The following MROH6 variants were observed in gnomAD, a reference collection of about 807,000 sequenced individuals.
MROH6 encodes the protein maestro heat like repeat family member 6, also known as maestro heat-like repeat-containing protein family member 6.
MROH6 carries 62 observed loss-of-function variants against 67.7 expected under a neutral mutation model. The ratio of observed to expected loss-of-function variants is 0.92; its 90% CI spans 0.75 to 1.13. MROH6 has a LOEUF of 1.13. Ranked by LOEUF, MROH6 falls within the 50% of genes most tolerant of loss-of-function variation. The pLI is 0.00. For missense variants in MROH6, 1,175 were observed against 1,029.1 expected (o/e 1.14, Z -1.94); for synonymous variants, 566 against 470.8 (o/e 1.20, Z -2.62).
At chr8:143,570,114 C>T in intron 6 of MROH6, 49 bp from the exon 7 acceptor site, 3 of 1,584,444 alleles carry the variant, frequency 1.9e-6, no homozygotes, top group Non-Finnish European at 2.6e-6. Flanking sequence ...CGGCCTTTCT[C>T]CTCGAGAAGA....
rs1033655797 is a variant in MROH6 at position 143,567,878 on chromosome 8, T to A, written c.1775A>T (p.Tyr592Phe). 4 of 1,524,826 alleles carry A rather than the reference T, an allele frequency of 2.6e-6. No homozygotes were observed. Among genetic ancestry groups the A allele is most frequent in the African/African-American group, 2.8e-5 (2 of 71,918 alleles). 94.5% of individuals were successfully genotyped at this position (1,524,826 alleles called of 1,614,324 possible). A position where few individuals can be genotyped will look rare whatever the true frequency, so the allele number is the denominator to read the frequency against. The change falls in exon 12 of 14, where the codon TAC (tyrosine) becomes TTC (phenylalanine). Residue 592 changes from tyrosine to phenylalanine, a missense_variant. By Grantham distance (22) the Tyr-to-Phe change is conservative. Transcript: ENST00000398882. ...SHLCCRLVQR[Y>F]PGHVPNFLSQ... ...CAGGAAGTTGGGCACGTGGCCTGGG[T>A]ATCGCTGAACCTGGGGACAAAAGGG...
rs773667800 is a variant in MROH6, at chr8:143,569,529, G to T, written c.1388C>A (p.Ala463Asp). The change falls in exon 9 of 14, where the codon GCC (alanine) becomes GAC (aspartate). Residue 463 changes from alanine (A) to aspartate (D), a missense_variant. Transcript: ENST00000398882. Reference protein sequence around the residue: ...DARLVGAALGALRRLLLRPRA... With the variant: ...DARLVGAALGDLRRLLLRPRA... ...GGGCCGCAGCAGGAGCCTCCTCAGG[G>T]CGCCCAGCGCTGCACCCACGAGCCG... The T allele has an allele frequency of 1.3e-5, 20 of 1,506,986 alleles. No homozygotes were observed. The highest frequency in any genetic ancestry group is 1.8e-5 in the Non-Finnish European group (20 of 1,135,938). 93.4% of individuals were successfully genotyped at this position (1,506,986 alleles called of 1,614,324 possible). A position where few individuals can be genotyped will look rare whatever the true frequency, so the allele number is the denominator to read the frequency against.
At chr8:143,567,931 T>G in intron 11 of MROH6, 43 bp from the exon 12 acceptor site, 1 of 1,499,830 alleles carries the variant, frequency 6.7e-7, no homozygotes, top group South Asian at 1.4e-5. Context: ...GGGCTGATCC[T>G]GAGTGCGGAG....
At position 143,572,132 on chromosome 8, in the gene MROH6, C is replaced by T. The variant is rs188663411; in HGVS notation, c.348G>A (p.Thr116=). The T allele has an allele frequency of 1.9e-5, 30 of 1,613,044 alleles. No homozygotes were observed. The highest frequency in any genetic ancestry group is 1.7e-4 in the Admixed American group (10 of 60,014). ...EGVLADLALY[T]AACLEEAGFA... is the part of the protein sequence containing the mutation. ...AGCCAGCCTCCTCCAGGCAGGCAGC[C>T]GTGTACAACGCGAGGTCGGCAAGAA... is the stretch of plus-strand genomic sequence containing the variant. The change falls in exon 2 of 14, where the codon ACG becomes ACA. Residue 116 remains threonine, a synonymous_variant. Transcript: ENST00000398882.
chr8:143,567,537 AC>A (rs1823691820), intron 13 of MROH6, 72 bp from the exon 14 acceptor site: 3 of 1,470,508 alleles, frequency 2.0e-6, no homozygotes. Flanking sequence ...CCCTCCACCC[AC>A]CGCTCCCGTC....
Position 143,567,415 on chromosome 8 carries a change from G to GCGCTGC in MROH6, c.1978_1983dup (p.Ala660_Ala661dup). ...ATCGCCACCTGCTGAGCGGACACGTGCGCTGCCGCGGCCACAGCCGGCTTG... is the reference window on the plus strand; with the variant it reads ...ATCGCCACCTGCTGAGCGGACACGTGCGCTGCCGCTGCCGCGGCCACAGCCGGCTTG... On this transcript the variant is annotated inframe_insertion, in exon 14 of 14. Transcript: ENST00000398882. 7.6e-7 allele frequency: 1 copy of GCGCTGC among 1,318,554 alleles called. No individual in the cohort carries two copies. The highest frequency in any genetic ancestry group is 9.7e-7 in the Non-Finnish European group (1 of 1,033,644). The allele number at this position is 1,318,554 out of a possible 1,614,324, so 81.7% of individuals were successfully genotyped here.
At position 143,567,213 on chromosome 8, in the gene MROH6, T is replaced by G; in HGVS notation, c.*26A>C. The G allele has an allele frequency of 8.3e-7, 1 of 1,200,792 alleles. No individual in the cohort carries two copies. The highest frequency in any genetic ancestry group is 1.0e-6 in the Non-Finnish European group (1 of 963,236). 74.4% of individuals were successfully genotyped at this position (1,200,792 alleles called of 1,614,324 possible). ...CGCGTGGGGTGCCCGAGTCGGACCCTGGCCCTCGGGCCCCAGCCCCGAGCC... is the reference window on the plus strand; with the variant it reads ...CGCGTGGGGTGCCCGAGTCGGACCCGGGCCCTCGGGCCCCAGCCCCGAGCC... On this transcript the variant is annotated 3_prime_UTR_variant, in exon 14 of 14. Transcript: ENST00000398882.
Position 143,568,650 on chromosome 8 carries a change from GC to G in MROH6, c.1545del (p.Leu516SerfsTer66), listed in dbSNP as rs1361198544. The G allele has an allele frequency of 6.5e-7, 1 of 1,532,842 alleles. No individual in the cohort carries two copies. The highest frequency in any genetic ancestry group is 8.7e-7 in the Non-Finnish European group (1 of 1,144,838). The allele number at this position is 1,532,842 out of a possible 1,614,324, so 95.0% of individuals were successfully genotyped here. A position where few individuals can be genotyped will look rare whatever the true frequency, so the allele number is the denominator to read the frequency against. On this transcript the variant is annotated frameshift_variant, in exon 10 of 14. Transcript: ENST00000398882. LOFTEE classifies it high-confidence loss of function. ...AGGGGGCCGCGGAGCCCCAGCCGGA[GC>G]CCGCCCCGGCCCCGGCGCACCAGAG... ...LGTLVRRGRGGLRLGLRGPLR... is the reference protein window; with the variant it reads ...LGTLVRRGRGXLRLGLRGPLR...
chr8:143,570,115 C>A, intron 6 of MROH6, 50 bp from the exon 7 acceptor site: 1 of 1,583,400 alleles, frequency 6.3e-7, no homozygotes, highest in Non-Finnish European at 8.6e-7. Flanking sequence ...GGCCTTTCTC[C>A]TCGAGAAGAC....
chr8:143,567,450 T>G lies in MROH6; in HGVS notation c.1949A>C (p.Gln650Pro). 1 of 1,372,368 alleles carries G rather than the reference T, an allele frequency of 7.3e-7. No individual in the cohort carries two copies. Among genetic ancestry groups the G allele is most frequent in the Non-Finnish European group, 9.4e-7 (1 of 1,060,082 alleles). 85.0% of individuals were successfully genotyped at this position (1,372,368 alleles called of 1,614,324 possible). ...DSLFQDLGRLQSDPKPAVAAA... is the reference protein window; with the variant it reads ...DSLFQDLGRLPSDPKPAVAAA... ...GGCCACAGCCGGCTTGGGGTCGCTCTGCAGTCGCCCTAGGTCTGCGAGGAG... is the reference window on the plus strand; with the variant it reads ...GGCCACAGCCGGCTTGGGGTCGCTCGGCAGTCGCCCTAGGTCTGCGAGGAG... The change falls in exon 14 of 14, where the codon CAG becomes CCG. Residue 650 changes from glutamine (Q) to proline (P), a missense_variant. Transcript: ENST00000398882.
Position 143,572,333 on chromosome 8 carries a change from G to A in MROH6, c.294+88C>T, listed in dbSNP as rs938306974. 3.7e-5 allele frequency: 55 copies of A among 1,483,540 alleles called. No homozygotes were observed. The African/African-American group carries it at 6.7e-4, about 18-fold the overall frequency. 91.9% of individuals were successfully genotyped at this position (1,483,540 alleles called of 1,614,324 possible). The stretch of plus-strand genomic sequence containing the variant: ...TTCACGCTGACCTCCCCCGGGGCCA[G>A]CACCGCCCCCCTGCCACCCCGCCTT... On this transcript the variant is annotated intron_variant, in intron 1 of 13. Transcript: ENST00000398882.
chr8:143,567,503 A>G, intron 13 of MROH6, 38 bp from the exon 14 acceptor site: 1 of 1,443,260 alleles, frequency 6.9e-7, no homozygotes, highest in Non-Finnish European at 9.2e-7. Context: ...GGAGCCCAGG[A>G]GGGCCGAGTG....
rs1301305951 is a variant in MROH6 at position 143,570,308 on chromosome 8, C to T, written c.978G>A (p.Gln326=). Residue 326 remains glutamine, a synonymous_variant, in exon 6 of 14, where the codon CAG becomes CAA. Coordinates refer to ENST00000398882, the MANE Select transcript of MROH6 (RefSeq NM_001100878.2). Reference sequence around the variant, plus strand: ...CCACCAGCCTCCTCCAGCCTCCTGCCTGCTCCATGCACGTGACCACCATGC... The same window carrying T: ...CCACCAGCCTCCTCCAGCCTCCTGCTTGCTCCATGCACGTGACCACCATGC... ...GGRMVVTCME[Q]AGGWRRLVGA... The T allele has an allele frequency of 2.5e-6, 4 of 1,609,188 alleles. No individual in the cohort carries two copies. The highest frequency in any genetic ancestry group is 3.4e-6 in the Non-Finnish European group (4 of 1,179,568).
Position 143,567,314 on chromosome 8 carries a change from T to C in MROH6, c.2085A>G (p.Pro695=). Residue 695 remains proline, a synonymous_variant, in exon 14 of 14, where the codon CCA becomes CCG. Coordinates refer to ENST00000398882, the MANE Select transcript of MROH6 (RefSeq NM_001100878.2). The part of the protein sequence containing the change: ...RIAPRPARPP[P]VFADSPFQRR... ...GCTGGAAGGGGCTGTCGGCGAAGACTGGTGGGGGCCGGGCGGGGCGCGGGG... is the reference window on the plus strand; with the variant it reads ...GCTGGAAGGGGCTGTCGGCGAAGACCGGTGGGGGCCGGGCGGGGCGCGGGG... The C allele has an allele frequency of 4.9e-6, 6 of 1,219,276 alleles. No homozygotes were observed. Among genetic ancestry groups the C allele is most frequent in the African/African-American group, 3.1e-5 (2 of 63,604 alleles). The allele number at this position is 1,219,276 out of a possible 1,614,324, so 75.5% of individuals were successfully genotyped here.
rs994278159 is a variant in MROH6, at chr8:143,566,642, G to A, written c.*597C>T. 2 of 152,252 alleles carry A rather than the reference G, an allele frequency of 1.3e-5. No homozygotes were observed. Among genetic ancestry groups the A allele is most frequent in the African/African-American group, 4.8e-5 (2 of 41,428 alleles). The allele number at this position is 152,252 out of a possible 1,614,324, so 9.4% of individuals were successfully genotyped here. ...GTGGTCCAGCTTGGGAGGACGCCGG[G>A]GCCAGCTTCTGGAGAAGGCCAGGCT... On this transcript the variant is annotated 3_prime_UTR_variant, in exon 14 of 14. Coordinates refer to ENST00000398882, the MANE Select transcript of MROH6 (RefSeq NM_001100878.2).
At position 143,568,541 on chromosome 8, in the gene MROH6, G is replaced by T; in HGVS notation, c.1644+11C>A. 6.6e-7 allele frequency: 1 copy of T among 1,518,534 alleles called. No individual in the cohort carries two copies. 94.1% of individuals were successfully genotyped at this position (1,518,534 alleles called of 1,614,324 possible). Reference sequence around the variant, plus strand: ...TGGCATAGGGGTGGGATGGTGTCGGGGGCTGCTGACCTCAGCAGCGTCCCT... The same window carrying T: ...TGGCATAGGGGTGGGATGGTGTCGGTGGCTGCTGACCTCAGCAGCGTCCCT... On this transcript the variant is annotated intron_variant, in intron 10 of 13. Coordinates refer to ENST00000398882, the MANE Select transcript of MROH6 (RefSeq NM_001100878.2).
rs749344341 is a variant in MROH6 at position 143,570,627 on chromosome 8, C to T, written c.751G>A (p.Val251Ile). ...ATRALGEMLA[V>I]SGCVGATRGF... The stretch of plus-strand genomic sequence containing the variant: ...CTCGTGGCTCCCACGCAGCCCGAAA[C>T]AGCCAGCATCTCCCCAAGAGCACGT... The change falls in exon 5 of 14, where the codon GTT becomes ATT. Residue 251 changes from valine to isoleucine, a missense_variant. Transcript: ENST00000398882. 3.8e-5 allele frequency: 60 copies of T among 1,599,056 alleles called. No individual in the cohort carries two copies. The highest frequency in any genetic ancestry group is 4.7e-5 in the Non-Finnish European group (56 of 1,179,326).
chr8:143,572,416 G>C lies in MROH6; in HGVS notation c.294+5C>G, dbSNP rs4874155. 1,558,609 of 1,561,158 alleles carry C rather than the reference G, an allele frequency of 1. 778,058 individuals are homozygous for C. Among genetic ancestry groups the C allele is most frequent in the East Asian group, 1 (43,916 of 43,916 alleles). On this transcript the variant is annotated splice_donor_5th_base_variant and intron_variant, in intron 1 of 13. Transcript: ENST00000398882. ...TCGCACAACATCCCTTCCCTCCCCCGTCACCTGGTGGGGCCCCTCAGGGGC... is the reference window on the plus strand; with the variant it reads ...TCGCACAACATCCCTTCCCTCCCCCCTCACCTGGTGGGGCCCCTCAGGGGC...
chr8:143,571,897 C>T (rs1427554677), intron 2 of MROH6, 76 bp from the exon 3 acceptor site: 1 of 1,481,596 alleles, frequency 6.7e-7, no homozygotes, highest in Non-Finnish European at 9.0e-7. Flanking sequence ...CACCCCACCT[C>T]CACCCCCACC....
Sources: gnomAD v4.1 joint callset for allele counts on GRCh38, gnomAD v4.1.1 for gene constraint, MANE v1.5 for transcripts, NCBI Gene and HGNC (gene_info 2026-07-23, HGNC 2026-07-21) for gene names.